Variants in CSMD1 observed in about 807,000 individuals in gnomAD.
The protein encoded by CSMD1 is CUB and sushi domain-containing protein 1.
A neutral mutation model predicts 417.5 loss-of-function variants in CSMD1; 213 were observed. That is an observed-to-expected ratio of 0.51 (90% CI 0.46 to 0.57). CSMD1 has a LOEUF of 0.57. Among genes scored for constraint, CSMD1 ranks in the 20% least tolerant of loss-of-function variants. The pLI is 0.00. For missense variants in CSMD1, 6,923 were observed against 4,529.7 expected (o/e 1.53, Z -15.17); for synonymous variants, 2,862 against 1,736.8 (o/e 1.65, Z -16.11).
chr8:4,004,445 C>T (rs1394597343), intron 4 of CSMD1, among the ~76,000 whole-genome samples: 3 of 149,312 alleles, frequency 2.0e-5, no homozygotes, highest in African/African-American at 7.4e-5. Context: ...AAAGGAAAGG[C>T]TATTTTATAG....
chr8:3,257,362 C>T (rs374462329), intron 26 of CSMD1, among the ~76,000 whole-genome samples: 1 of 152,228 alleles, frequency 6.6e-6, no homozygotes, highest in African/African-American at 2.4e-5. Flanking sequence ...TACTGCATGT[C>T]AGTTCTACTC....
intron 7 of CSMD1, among the ~76,000 whole-genome samples, chr8:3,683,305 A>C (rs932326713): frequency 1.3e-5 from 2 of 152,160 alleles, no homozygotes; most frequent in African/African-American, 4.8e-5. Flanking sequence ...TGGATGGATC[A>C]GTCAAGGCAA....
chr8:4,060,020 T>C (rs188619793), intron 3 of CSMD1, among the ~76,000 whole-genome samples: 1,746 of 152,312 alleles, frequency 0.011, 38 homozygotes, highest in African/African-American at 0.038. Context: ...ATATCCTTGA[T>C]GAAGTTTGAT....
At chr8:4,855,989 A>G (rs1196572195) in intron 1 of CSMD1, among the ~76,000 whole-genome samples, 1 of 151,768 alleles carries the variant, frequency 6.6e-6, no homozygotes, top group African/African-American at 2.4e-5. Flanking sequence ...GAAATGAAGG[A>G]AAAAATGTTA....
intron 3 of CSMD1, among the ~76,000 whole-genome samples, chr8:4,095,092 G>A (rs192258909): frequency 1.2e-4 from 19 of 152,284 alleles, no homozygotes; most frequent in African/African-American, 3.6e-4. Context: ...TGTAACTGCA[G>A]AGGAAACAAA....
At chr8:3,406,866 G>C (rs572668252) in intron 14 of CSMD1, among the ~76,000 whole-genome samples, 11 of 152,314 alleles carry the variant, frequency 7.2e-5, no homozygotes, top group African/African-American at 2.6e-4. Flanking sequence ...CAAAGAGAAT[G>C]AGCTGTCATT....
At chr8:4,607,128 T>A (rs886819512) in intron 2 of CSMD1, among the ~76,000 whole-genome samples, 1 of 152,180 alleles carries the variant, frequency 6.6e-6, no homozygotes, top group Admixed American at 6.5e-5. Context: ...GCACTTTTTT[T>A]TACCTGGGAA....
rs78767007 is a variant in CSMD1 at position 3,647,143 on chromosome 8, G to T, written c.1010-30346C>A. Among the ~76,000 whole-genome samples the T allele has an allele frequency of 3.6e-3, 548 of 152,270 alleles. 3 individuals carry two copies. Among genetic ancestry groups the T allele is most frequent in the Middle Eastern group, 6.8e-3 (2 of 294 alleles). On this transcript the variant is annotated intron_variant, in intron 7 of 69. Coordinates refer to ENST00000635120, the MANE Select transcript of CSMD1 (RefSeq NM_033225.6). ...GAATAAATCATAGGAATGTAAGCTT[G>T]TAGGGGTGGATGGTCCTCCGGTGCA...
chr8:4,118,822 G>A (rs911353479), intron 3 of CSMD1, among the ~76,000 whole-genome samples: 1 of 152,152 alleles, frequency 6.6e-6, no homozygotes, highest in East Asian at 1.9e-4. Flanking sequence ...ATTCACAATA[G>A]CAAAGACTTG....
rs147103324 is a variant in CSMD1, at chr8:3,719,529, G to A, written c.932-11038C>T. 3.1e-3 allele frequency among the ~76,000 whole-genome samples: 470 copies of A among 152,210 alleles called. 1 individual carries two copies. Among genetic ancestry groups the A allele is most frequent in the Non-Finnish European group, 4.8e-3 (326 of 68,008 alleles). On this transcript the variant is annotated intron_variant, in intron 6 of 69. Transcript: ENST00000635120. The stretch of plus-strand genomic sequence containing the variant: ...ACCATTCATTACAATGAAGACTTTG[G>A]GAAAATTAACTTCAGTGACTTCTTT...
Position 3,144,088 on chromosome 8 carries a change from G to T in CSMD1, c.6032-1414C>A, listed in dbSNP as rs112232075. On this transcript the variant is annotated intron_variant, in intron 40 of 69. Transcript: ENST00000635120. ...TGGTGGGCATCACGTAGGGCCAACAGTATGCCTGGGGTCCGATTTGCCAAC... is the reference window on the plus strand; with the variant it reads ...TGGTGGGCATCACGTAGGGCCAACATTATGCCTGGGGTCCGATTTGCCAAC... 1.3e-3 allele frequency among the ~76,000 whole-genome samples: 191 copies of T among 152,332 alleles called. 1 individual carries two copies. Among genetic ancestry groups the T allele is most frequent in the African/African-American group, 4.4e-3 (181 of 41,576 alleles).
chr8:4,502,948 C>A (rs962411541), intron 2 of CSMD1, among the ~76,000 whole-genome samples: 1 of 152,038 alleles, frequency 6.6e-6, no homozygotes, highest in Non-Finnish European at 1.5e-5. Context: ...CTCTCTGTCT[C>A]TAAATGGTAT....
intron 3 of CSMD1, among the ~76,000 whole-genome samples, chr8:4,202,116 T>G (rs190941726): frequency 6.6e-6 from 1 of 152,124 alleles, no homozygotes; most frequent in Admixed American, 6.6e-5. Flanking sequence ...AGTTTTTTTT[T>G]CTAGAGAAAA....
intron 1 of CSMD1, among the ~76,000 whole-genome samples, chr8:4,830,426 G>C (rs1304132738): frequency 2.0e-4 from 31 of 152,180 alleles, no homozygotes; most frequent in Non-Finnish European, 4.4e-5. Context: ...TTGTATGTTT[G>C]GAGGAACACT....
chr8:4,313,412 A>G (rs921822688), intron 3 of CSMD1, among the ~76,000 whole-genome samples: 3 of 151,548 alleles, frequency 2.0e-5, no homozygotes, highest in African/African-American at 7.3e-5. Flanking sequence ...TAGTGTGAAG[A>G]TGCCTGACGG....
chr8:4,378,118 G>A (rs1001282978), intron 3 of CSMD1, among the ~76,000 whole-genome samples: 4 of 152,144 alleles, frequency 2.6e-5, no homozygotes, highest in Non-Finnish European at 4.4e-5. Flanking sequence ...CAAATTTTAC[G>A]GGTGGCATGG....
At chr8:3,766,833 T>G (rs527800392) in intron 5 of CSMD1, among the ~76,000 whole-genome samples, 276 of 152,314 alleles carry the variant, frequency 1.8e-3, no homozygotes, top group Middle Eastern at 3.4e-3. Context: ...TCCAAGAGCC[T>G]GAAATGAGTC....
chr8:4,758,546 T>C (rs1455705258), intron 1 of CSMD1, among the ~76,000 whole-genome samples: 1 of 152,122 alleles, frequency 6.6e-6, no homozygotes, highest in Non-Finnish European at 1.5e-5. Context: ...GGCAGAAACG[T>C]CAGTGTATTA....
intron 52 of CSMD1, among the ~76,000 whole-genome samples, chr8:3,005,344 C>T (rs560065922): frequency 6.6e-6 from 1 of 152,200 alleles, no homozygotes; most frequent in African/African-American, 2.4e-5. Context: ...TTTGTTACTC[C>T]AAGGAGGAAC....
Sources: allele counts gnomAD v4.1 joint callset (sites outside exome capture counted in the v4.1 genomes callset), GRCh38; gene constraint gnomAD v4.1.1; transcripts MANE v1.5; gene names NCBI Gene and HGNC (gene_info 2026-07-23, HGNC 2026-07-21).